Variants in NUP160 observed in about 807,000 individuals in gnomAD.
NUP160 encodes the protein nuclear pore complex protein Nup160.
NUP160 carries 94 observed loss-of-function variants against 196.9 expected under a neutral mutation model. That is an observed-to-expected ratio of 0.48 (90% CI 0.40 to 0.57). NUP160 has a LOEUF of 0.57. Among genes scored for constraint, NUP160 ranks in the 20% least tolerant of loss-of-function variants. NUP160 has a pLI of 0.00. For missense variants in NUP160, 1,638 were observed against 1,748.3 expected, an observed-to-expected ratio of 0.94 and a Z score of 1.13; for synonymous variants, 605 against 619.7, an observed-to-expected ratio of 0.98 and a Z score of 0.35.
At chr11:47,801,460 C>T (rs2097674112) in intron 23 of NUP160, among the ~76,000 whole-genome samples, 1 of 152,102 alleles carries the variant, frequency 6.6e-6, no homozygotes, top group South Asian at 2.1e-4. Context: ...AGTGATTCTC[C>T]TGCCTCAGCC....
At chr11:47,801,972 A>G (rs1384809896) in intron 22 of NUP160, 42 bp from the exon 23 acceptor site, 1 of 1,603,102 alleles carries the variant, frequency 6.2e-7, no homozygotes, top group South Asian at 1.1e-5. Context: ...CAGATCATTC[A>G]AATTCTAGGT....
chr11:47,781,620 A>G (rs1206658163), intron 34 of NUP160, among the ~76,000 whole-genome samples: 2 of 152,110 alleles, frequency 1.3e-5, no homozygotes, highest in Non-Finnish European at 2.9e-5. Flanking sequence ...TGGCTCTTCT[A>G]TTATATTTGC....
exon 13 of NUP160, chr11:47,815,598 A>G (rs1332132247): frequency 6.2e-7 from 1 of 1,612,224 alleles, no homozygotes; most frequent in Non-Finnish European, 8.5e-7. Context: ...TCTTGTTGTA[A>G]ATTTCGAAAC....
At chr11:47,818,664 G>T (rs1335687452) in intron 10 of NUP160, among the ~76,000 whole-genome samples, 1 of 152,124 alleles carries the variant, frequency 6.6e-6, no homozygotes, top group Non-Finnish European at 1.5e-5. Flanking sequence ...TCCTAAACCA[G>T]ATTTGCCCCC....
At chr11:47,784,964 A>T (rs1335054010) in exon 33 of NUP160, 2 of 1,605,440 alleles carry the variant, frequency 1.2e-6, no homozygotes, top group Non-Finnish European at 1.7e-6. Flanking sequence ...GCACTCCATG[A>T]GACAAGAGCT....
intron 7 of NUP160, chr11:47,826,981 A>C (rs1411274682): frequency 2.2e-6 from 1 of 452,930 alleles, no homozygotes; most frequent in South Asian, 1.6e-5. Context: ...AAATCAAGGC[A>C]GTGGGACCAA....
intron 7 of NUP160, among the ~76,000 whole-genome samples, chr11:47,827,806 T>A: frequency 6.6e-6 from 1 of 151,694 alleles, no homozygotes; most frequent in East Asian, 1.9e-4. Context: ...AAAAAATTTT[T>A]AAAAACCCTA....
chr11:47,826,570 C>CCCT (rs1491138492), intron 7 of NUP160, among the ~76,000 whole-genome samples: 1 of 106,902 alleles, frequency 9.4e-6, no homozygotes, highest in Non-Finnish European at 2.3e-5. Context: ...TCCCCCCCCC[C>CCCT]TTTTTTTTTT....
At chr11:47,790,887 A>G (rs374625872) in intron 29 of NUP160, among the ~76,000 whole-genome samples, 28 of 152,292 alleles carry the variant, frequency 1.8e-4, no homozygotes, top group African/African-American at 6.0e-4. Flanking sequence ...TTTAAAAGCC[A>G]TATCTCTTTC....
intron 7 of NUP160, among the ~76,000 whole-genome samples, chr11:47,832,412 G>A (rs951568390): frequency 4.6e-5 from 7 of 152,162 alleles, no homozygotes; most frequent in Non-Finnish European, 5.9e-5. Context: ...TCATTATTCC[G>A]GAGGTCATAA....
At chr11:47,798,918 C>T (rs923464685) in intron 23 of NUP160, among the ~76,000 whole-genome samples, 9 of 145,578 alleles carry the variant, frequency 6.2e-5, no homozygotes, top group African/African-American at 2.3e-4. Context: ...CTGACCAACA[C>T]GGCGAGACCC....
Position 47,803,535 on chromosome 11 carries a change from T to C in NUP160, c.2678A>G (p.Asp893Gly). 6.4e-7 allele frequency: 1 copy of C among 1,566,164 alleles called. No individual in the cohort carries two copies. The highest frequency in any genetic ancestry group is 1.1e-5 in the South Asian group (1 of 89,850). Residue 893 changes from aspartate (D) to glycine (G), a missense_variant and splice_region_variant, in exon 22 of 36, where the codon GAT (aspartate) becomes GGT (glycine). Coordinates refer to ENST00000378460, the Ensembl canonical transcript of NUP160. Reference sequence around the variant, plus strand: ...CCAGGGATGTAGCAGTTGAATATAATCCTTAAAGGCATAAAAGGTGCTTTC... The same window carrying C: ...CCAGGGATGTAGCAGTTGAATATAACCCTTAAAGGCATAAAAGGTGCTTTC...
exon 13 of NUP160, chr11:47,815,496 C>T: frequency 1.2e-6 from 2 of 1,603,214 alleles, no homozygotes; most frequent in Non-Finnish European, 1.7e-6. Flanking sequence ...AGCAGGCACA[C>T]CATGTTTGTG....
intron 4 of NUP160, 123 bp from the exon 5 acceptor site, chr11:47,837,746 GT>G: frequency 2.9e-6 from 2 of 678,254 alleles, no homozygotes; most frequent in Non-Finnish European, 5.3e-6. Context: ...ACTAACAAAG[GT>G]TTAGGATGTA....
chr11:47,841,687 G>T, intron 2 of NUP160: 1 of 287,090 alleles, frequency 3.5e-6, no homozygotes, highest in Non-Finnish European at 7.0e-6. Context: ...GATAATTTTT[G>T]TTTGTTTGTT....
intron 29 of NUP160, among the ~76,000 whole-genome samples, chr11:47,790,105 C>T (rs764313399): frequency 1.3e-5 from 2 of 151,848 alleles, no homozygotes; most frequent in Non-Finnish European, 2.9e-5. Context: ...GCCACCACGC[C>T]CAGCTAATTT....
chr11:47,797,997 T>A (rs1298570725), exon 26 of NUP160: 1 of 1,576,994 alleles, frequency 6.3e-7, no homozygotes, highest in Non-Finnish European at 8.6e-7. Flanking sequence ...CAGATTCACA[T>A]AGGGAAACTC....
chr11:47,782,962 A>G, intron 34 of NUP160, 111 bp downstream of exon 34: 1 of 928,004 alleles, frequency 1.1e-6, no homozygotes, highest in Non-Finnish European at 1.7e-6. Flanking sequence ...CCCGGCCATC[A>G]GTATTTTAAA....
At chr11:47,814,119 G>A (rs1382517198) in intron 13 of NUP160, among the ~76,000 whole-genome samples, 1 of 141,750 alleles carries the variant, frequency 7.1e-6, no homozygotes, top group Non-Finnish European at 1.5e-5. Flanking sequence ...TGCAGCCTGG[G>A]TGACACAGCA....
Sources: gnomAD v4.1 joint callset for allele counts (sites outside exome capture counted in the v4.1 genomes callset) on GRCh38, gnomAD v4.1.1 for gene constraint, MANE v1.5 for transcripts, NCBI Gene and HGNC (gene_info 2026-07-23, HGNC 2026-07-21) for gene names.